Variants in GTF2I observed in about 807,000 individuals in gnomAD.
GTF2I encodes general transcription factor II-I.
Under a neutral mutation model 67.6 loss-of-function variants are expected in GTF2I, and 12 were observed. The ratio of observed to expected loss-of-function variants is 0.18; its 90% confidence interval spans 0.11 to 0.29. The LOEUF (loss-of-function observed/expected upper bound fraction) is 0.29. GTF2I is among the 10% of genes least tolerant of loss of function. The pLI, the probability that GTF2I is intolerant of heterozygous loss-of-function variation, is 1.00. For synonymous variants in GTF2I, 149 were observed against 197.0 expected (o/e 0.76, Z 2.04); for missense variants, 271 against 580.1 (o/e 0.47, Z 5.47).
In GTF2I at chr7:74,694,173, GC is replaced by G. The variant is rs1788653012; in HGVS notation, c.238+3064del. ...CAAACCAGCCACAGCATTCCCTTAA[GC>G]CACAGCGTAATCCAGAGTGAGGCCC... On this transcript the variant is annotated intron_variant, in intron 3 of 34. Coordinates refer to ENST00000573035, the MANE Select transcript of GTF2I (RefSeq NM_032999.4). 2.0e-5 allele frequency among the ~76,000 whole-genome samples: 3 copies of G among 152,214 alleles called. No individual in the cohort carries two copies. The South Asian group carries it at 6.2e-4, about 31-fold the overall frequency.
intron 1 of GTF2I, among the ~76,000 whole-genome samples, chr7:74,669,511 G>A (rs969376839): frequency 6.6e-6 from 1 of 150,636 alleles, no homozygotes; most frequent in East Asian, 2.0e-4. Context: ...GATTACAGGC[G>A]TGAACCATCG....
chr7:74,727,892 T>G (rs1008268306), intron 12 of GTF2I: 2 of 152,240 alleles, frequency 1.3e-5, no homozygotes, highest in African/African-American at 4.8e-5. Flanking sequence ...GCGCTGTGCT[T>G]GAATAGCTGA....
intron 1 of GTF2I, among the ~76,000 whole-genome samples, chr7:74,685,343 A>C (rs2718272): frequency 0.56 from 84,405 of 151,926 alleles, 25,641 homozygotes; most frequent in East Asian, 0.9. Flanking sequence ...TAAAAATACA[A>C]AAAATTAGCC....
chr7:74,682,048 G>T (rs1039638133), intron 1 of GTF2I, among the ~76,000 whole-genome samples: 2 of 152,228 alleles, frequency 1.3e-5, no homozygotes, highest in South Asian at 2.1e-4. Flanking sequence ...TAAGCTGAGA[G>T]AATTCTAATG....
At chr7:74,680,105 T>A (rs1186082064) in intron 1 of GTF2I, among the ~76,000 whole-genome samples, 290 of 96,450 alleles carry the variant, frequency 3.0e-3, no homozygotes, top group African/African-American at 7.2e-3. Context: ...AAAAAATATA[T>A]ATATATATAT....
rs184589483 is a variant in GTF2I at position 74,709,312 on chromosome 7, G to A, written c.686-1720G>A. Among the ~76,000 whole-genome samples the A allele has an allele frequency of 8.9e-3, 1,360 of 152,140 alleles. 15 individuals carry two copies. Among genetic ancestry groups the A allele is most frequent in the Non-Finnish European group, 0.012 (847 of 67,992 alleles). On this transcript the variant is annotated intron_variant, in intron 8 of 34. Transcript: ENST00000573035. ...CGTCCAGACTGGAGTGCAGTCGTGC[G>A]ATCTCGGCTCACCACAACCTCCGTG... is the stretch of plus-strand genomic sequence containing the variant.
At chr7:74,699,294 TTC>T (rs1789399055) in intron 4 of GTF2I, among the ~76,000 whole-genome samples, 199 bp downstream of exon 4, 1 of 151,406 alleles carries the variant, frequency 6.6e-6, no homozygotes, top group African/African-American at 2.4e-5. Context: ...GTTTCTTTCT[TTC>T]TGTTTTTTTT....
intron 1 of GTF2I, among the ~76,000 whole-genome samples, chr7:74,674,333 T>G (rs926022493): frequency 8.5e-5 from 13 of 152,130 alleles, no homozygotes; most frequent in African/African-American, 2.7e-4. Flanking sequence ...CCCAAAGTGT[T>G]GGGATTTCAG....
chr7:74,678,171 C>T (rs1036665176), intron 1 of GTF2I, among the ~76,000 whole-genome samples: 9 of 151,310 alleles, frequency 5.9e-5, no homozygotes, highest in African/African-American at 1.9e-4. Flanking sequence ...CCTCCTGTCT[C>T]GGCCTCCCAG....
At chr7:74,726,862 TAGA>T (rs1793859243) in intron 12 of GTF2I, 3 of 150,210 alleles carry the variant, frequency 2.0e-5, no homozygotes, top group African/African-American at 2.5e-5. Flanking sequence ...GATAGATAGA[TAGA>T]TAGATAGATA....
At chr7:74,671,051 AACTT>A (rs1196494466) in intron 1 of GTF2I, among the ~76,000 whole-genome samples, 1 of 149,092 alleles carries the variant, frequency 6.7e-6, no homozygotes, top group Non-Finnish European at 1.5e-5. Context: ...CTCAGAGCTG[AACTT>A]GTGATCCACT....
At chr7:74,704,268 T>TTTTATTTA (rs55926323) in intron 6 of GTF2I, among the ~76,000 whole-genome samples, 21,369 of 144,204 alleles carry the variant, frequency 0.15, 4,477 homozygotes, top group African/African-American at 0.46. Flanking sequence ...TAATTATTAT[T>TTTTATTTA]TTTATTTATT....
intron 1 of GTF2I, among the ~76,000 whole-genome samples, chr7:74,660,440 C>T (rs1287745953): frequency 2.0e-5 from 3 of 152,040 alleles, no homozygotes; most frequent in Non-Finnish European, 4.4e-5. Context: ...GATCCGCCTG[C>T]CTCGGTCTCC....
At chr7:74,668,731 G>A (rs189991889) in intron 1 of GTF2I, among the ~76,000 whole-genome samples, 85 of 151,772 alleles carry the variant, frequency 5.6e-4, no homozygotes, top group East Asian at 5.2e-3. Context: ...CGGCCACCAC[G>A]CCTGGCTAAT....
intron 3 of GTF2I, among the ~76,000 whole-genome samples, chr7:74,693,216 A>C (rs186847574): frequency 6.8e-6 from 1 of 147,428 alleles, no homozygotes; most frequent in African/African-American, 2.5e-5. Context: ...AACTCTTGGC[A>C]TAGCATTATT....
At chr7:74,703,146 A>T (rs771826541) in intron 6 of GTF2I, among the ~76,000 whole-genome samples, 27 of 151,812 alleles carry the variant, frequency 1.8e-4, no homozygotes, top group Non-Finnish European at 3.1e-4. Flanking sequence ...TTTTTTATAT[A>T]GTCTTGATAT....
At chr7:74,680,144 ATATATG>A (rs1554393740) in intron 1 of GTF2I, among the ~76,000 whole-genome samples, 1 of 143,308 alleles carries the variant, frequency 7.0e-6, no homozygotes, top group African/African-American at 2.6e-5. Flanking sequence ...ATACACATAT[ATATATG>A]TATGTATATA....
chr7:74,662,156 G>A (rs13238568), intron 1 of GTF2I, among the ~76,000 whole-genome samples: 82,695 of 148,540 alleles, frequency 0.56, 25,225 homozygotes, highest in East Asian at 0.9. Flanking sequence ...TTTGCGGGAC[G>A]GGGTTGGGGG....
At chr7:74,689,331 T>C in intron 2 of GTF2I, 104 bp downstream of exon 2, 1 of 514,208 alleles carries the variant, frequency 1.9e-6, no homozygotes, top group Non-Finnish European at 3.4e-6. Flanking sequence ...TTAGTTTTAA[T>C]GAGTACTTTT....
Sources: gnomAD v4.1 joint callset for allele counts (sites outside exome capture counted in the v4.1 genomes callset) on GRCh38, gnomAD v4.1.1 for gene constraint, MANE v1.5 for transcripts, NCBI Gene and HGNC (gene_info 2026-07-23, HGNC 2026-07-21) for gene names.